Variants in ZNF454 observed in about 807,000 individuals in gnomAD.
ZNF454 encodes the protein zinc finger protein 454.
A neutral mutation model predicts 48.2 loss-of-function variants in ZNF454; 30 were observed. The ratio of observed to expected loss-of-function variants is 0.62; its 90% CI spans 0.47 to 0.84. ZNF454 has a LOEUF of 0.84. Ranked by LOEUF, ZNF454 falls within the 40% of genes least tolerant of loss-of-function variation. The pLI is 0.00. For synonymous variants in ZNF454, 204 were observed against 211.4 expected, an observed-to-expected ratio of 0.97 and a Z score of 0.30; for missense variants, 510 against 623.1, an observed-to-expected ratio of 0.82 and a Z score of 1.93.
In ZNF454 at chr5:178,941,920, AG is replaced by A. The variant is rs1759103721; in HGVS notation, c.-108+477del. Among the ~76,000 whole-genome samples, 1 of 149,188 alleles carries A rather than the reference AG, an allele frequency of 6.7e-6. No homozygotes were observed. The highest frequency in any genetic ancestry group is 2.5e-5 in the African/African-American group (1 of 40,630). On this transcript the variant is annotated intron_variant, in intron 1 of 4. Coordinates refer to ENST00000519564, the MANE Select transcript of ZNF454 (RefSeq NM_001178089.3). This position sits in a 1 kb window ranked among gnomAD's most constrained non-coding sequence, Gnocchi z 5.5. ...TTCTTAGCCTCCTTTCTGAGGAGGA[AG>A]AAGACCACCCTCCTTTTCCTCTTCT...
chr5:178,942,608 C>A, intron 1 of ZNF454, 77 bp from the exon 2 acceptor site: 1 of 566,432 alleles, frequency 1.8e-6, no homozygotes, highest in Non-Finnish European at 3.1e-6. Flanking sequence ...GTACTGGAGG[C>A]CTCCCAGGAT....
At chr5:178,943,886 G>A (rs1408639685) in intron 2 of ZNF454, among the ~76,000 whole-genome samples, 1 of 152,116 alleles carries the variant, frequency 6.6e-6, no homozygotes, top group East Asian at 1.9e-4. Context: ...AATTAGCTGG[G>A]CGTGGTGGTG....
intron 2 of ZNF454, among the ~76,000 whole-genome samples, chr5:178,943,620 CTT>C (rs1759200364): frequency 6.6e-6 from 1 of 152,190 alleles, no homozygotes; most frequent in African/African-American, 2.4e-5. Flanking sequence ...TTACTAGACT[CTT>C]TTTCTTTTAT....
At chr5:178,943,265 T>C (rs1382500936) in intron 2 of ZNF454, among the ~76,000 whole-genome samples, 1 of 152,168 alleles carries the variant, frequency 6.6e-6, no homozygotes, top group East Asian at 1.9e-4. Context: ...ATGAGGACTT[T>C]AAAAGCTTCC....
At chr5:178,951,412 A>T (rs1759553437) in intron 4 of ZNF454, among the ~76,000 whole-genome samples, 1 of 152,204 alleles carries the variant, frequency 6.6e-6, no homozygotes, top group South Asian at 2.1e-4. Flanking sequence ...TCTTCCTCTT[A>T]TAACAAAGAG....
At chr5:178,985,064 C>G in the ZNF454 span, among the ~76,000 whole-genome samples, 1 of 152,116 alleles carries the variant, frequency 6.6e-6, no homozygotes, top group Non-Finnish European at 1.5e-5. Context: ...ACGGCCAGCA[C>G]GAAACGCTGG....
the ZNF454 span, among the ~76,000 whole-genome samples, chr5:178,975,382 A>C: frequency 6.6e-6 from 1 of 152,238 alleles, no homozygotes; most frequent in African/African-American, 2.4e-5. Flanking sequence ...TCTGCATGTG[A>C]AACACTTTTT....
the ZNF454 span, chr5:178,980,233 CTGATCTTA>C: frequency 1.3e-5 from 2 of 154,118 alleles, no homozygotes; most frequent in African/African-American, 4.8e-5. This position sits in a 1 kb window ranked among gnomAD's most constrained non-coding sequence, Gnocchi z 4.3. Context: ...AGAATGTATA[CTGATCTTA>C]AACAGTGGTC....
the ZNF454 span, among the ~76,000 whole-genome samples, chr5:178,987,995 A>G: frequency 6.6e-6 from 1 of 151,848 alleles, no homozygotes; most frequent in Non-Finnish European, 1.5e-5. Context: ...CCTGACCTCA[A>G]GTGATCCACC....
the ZNF454 span, among the ~76,000 whole-genome samples, chr5:178,972,894 A>G: frequency 1.3e-5 from 2 of 152,048 alleles, no homozygotes; most frequent in East Asian, 1.9e-4. Flanking sequence ...TACCAGCTGC[A>G]TAACTATACT....
Position 178,941,680 on chromosome 5 carries a change from T to TGCCACAGCCCCC in ZNF454, c.-108+238_-108+249dup, listed in dbSNP as rs372070603. 9.6e-4 allele frequency among the ~76,000 whole-genome samples: 146 copies of TGCCACAGCCCCC among 152,220 alleles called. No individual in the cohort carries two copies. Among genetic ancestry groups the TGCCACAGCCCCC allele is most frequent in the African/African-American group, 3.1e-3 (127 of 41,554 alleles). ...CCGGAGGCAGCCGCTGCGCAGCCCC[T>TGCCACAGCCCCC]GCCACAGCCCCCGAGGGACCTGGCG... On this transcript the variant is annotated intron_variant, in intron 1 of 4. Coordinates refer to ENST00000519564, the MANE Select transcript of ZNF454 (RefSeq NM_001178089.3). The surrounding 1 kb of genome is among the most constrained non-coding windows in gnomAD (Gnocchi z 5.5).
At chr5:178,963,306 C>T (rs940353509) in intron 4 of ZNF454, among the ~76,000 whole-genome samples, 1 of 151,824 alleles carries the variant, frequency 6.6e-6, no homozygotes, top group African/African-American at 2.4e-5. Flanking sequence ...CAGTCCTTAA[C>T]ATTTTGACAT....
intron 4 of ZNF454, among the ~76,000 whole-genome samples, chr5:178,950,953 G>A (rs1028506166): frequency 6.6e-6 from 1 of 151,092 alleles, no homozygotes; most frequent in Non-Finnish European, 1.5e-5. Flanking sequence ...TCTGCCTACC[G>A]GGTTCAAGCT....
At chr5:178,989,354 A>G in the ZNF454 span, 4 of 1,613,950 alleles carry the variant, frequency 2.5e-6, no homozygotes, top group Non-Finnish European at 2.5e-6. Flanking sequence ...GGCGAACCAG[A>G]TGTTCCTGCG....
At chr5:178,987,435 G>T in the ZNF454 span, 3 of 457,944 alleles carry the variant, frequency 6.6e-6, no homozygotes, top group South Asian at 4.6e-5. Context: ...AAGAATGGAC[G>T]AACACGACGG....
At chr5:178,968,883 G>A (rs566132767), downstream of ZNF454, 1 of 456,692 alleles carries the variant, frequency 2.2e-6, no homozygotes, top group South Asian at 1.5e-5. Flanking sequence ...CCTCAGCCGC[G>A]GCTCCAGGAA....
At chr5:178,987,583 C>T in the ZNF454 span, 1 of 396,124 alleles carries the variant, frequency 2.5e-6, no homozygotes, top group Non-Finnish European at 5.1e-6. Context: ...CGTCTGATGC[C>T]ACCACAGGAG....
At chr5:178,957,600 G>A (rs1200804327) in intron 4 of ZNF454, among the ~76,000 whole-genome samples, 2 of 151,556 alleles carry the variant, frequency 1.3e-5, no homozygotes, top group African/African-American at 4.8e-5. Context: ...TAGTAGAGAC[G>A]GGGTTTCACC....
chr5:178,942,615 G>T (rs1364641501), intron 1 of ZNF454, 70 bp from the exon 2 acceptor site: 1 of 596,188 alleles, frequency 1.7e-6, no homozygotes, highest in East Asian at 2.9e-5. Flanking sequence ...AGGCCTCCCA[G>T]GATGTGAATG....
Sources: gnomAD v4.1 joint callset for allele counts (sites outside exome capture counted in the v4.1 genomes callset) on GRCh38, gnomAD v4.1.1 for gene constraint, Gnocchi (gnomAD v3.1) non-coding constraint, MANE v1.5 for transcripts, NCBI Gene and HGNC (gene_info 2026-07-23, HGNC 2026-07-21) for gene names.